The following BCR variants were observed in gnomAD, a reference collection of about 807,000 sequenced individuals.
BCR encodes the protein BCR activator of RhoGEF and GTPase, also known as breakpoint cluster region protein.
BCR carries 58 observed loss-of-function variants against 138.6 expected under a neutral mutation model. That is an observed-to-expected ratio of 0.42 (90% CI 0.34 to 0.52). The LOEUF is 0.52. BCR is among the 20% of genes least tolerant of loss of function. The pLI is 0.06. For synonymous variants in BCR, 786 were observed against 730.1 expected (o/e 1.08, Z -1.23); for missense variants, 1,599 against 1,727.2 (o/e 0.93, Z 1.32).
intron 16 of BCR, chr22:23,306,854 G>GCCGGAGCCGGGCGGC (rs2073958056): frequency 6.6e-6 from 1 of 152,666 alleles, no homozygotes; most frequent in Admixed American, 6.5e-5. Context: ...AGCCGGGCGG[G>GCCGGAGCCGGGCGGC]CCGGAGCCGG....
intron 1 of BCR, among the ~76,000 whole-genome samples, chr22:23,192,166 G>A (rs545068423): frequency 4.6e-5 from 7 of 152,294 alleles, no homozygotes; most frequent in Non-Finnish European, 5.9e-5. Context: ...ATGGGCCCTC[G>A]AAAGTTTCTT....
At chr22:23,279,225 C>G (rs566858829) in intron 8 of BCR, among the ~76,000 whole-genome samples, 1 of 152,366 alleles carries the variant, frequency 6.6e-6, no homozygotes, top group Non-Finnish European at 1.5e-5. Context: ...CTACCCTCCT[C>G]CTGGCATAGT....
chr22:23,280,059 C>T (rs921961527), intron 8 of BCR, among the ~76,000 whole-genome samples: 6 of 152,142 alleles, frequency 3.9e-5, no homozygotes, highest in East Asian at 1.9e-4. Flanking sequence ...TGGATTCCAC[C>T]GCATGACCTC....
chr22:23,264,242 C>A, intron 4 of BCR: 1 of 994,040 alleles, frequency 1.0e-6, no homozygotes, highest in Non-Finnish European at 1.6e-6. Context: ...GCCCGCACAC[C>A]TTCCCGCTGA....
chr22:23,209,562 G>T (rs2072658208), intron 1 of BCR, among the ~76,000 whole-genome samples: 2 of 135,038 alleles, frequency 1.5e-5, no homozygotes, highest in African/African-American at 3.8e-5. Flanking sequence ...TTATTTTTTT[G>T]AGATGGAGTC....
intron 3 of BCR, 79 bp downstream of exon 3, chr22:23,261,133 C>T: frequency 7.0e-7 from 1 of 1,438,760 alleles, no homozygotes; most frequent in Admixed American, 1.9e-5. Flanking sequence ...CCCTTAAGTC[C>T]CAGGTCAGCT....
rs369826569 is a variant in BCR at position 23,285,139 on chromosome 22, G to A, written c.2344G>A (p.Glu782Lys). The change falls in exon 10 of 23, where the codon GAG becomes AAG. Residue 782 changes from glutamate to lysine, a missense_variant. Glu to Lys is a moderately conservative substitution (Grantham distance 56, BLOSUM62 1). Transcript: ENST00000305877. ...AVPNIPLVPD[E>K]ELDALKIKIS... ...GCCCAACATCCCCCTGGTGCCCGATGAGGAGCTGGACGCTTTGAAGATCAA... is the reference window on the plus strand; with the variant it reads ...GCCCAACATCCCCCTGGTGCCCGATAAGGAGCTGGACGCTTTGAAGATCAA... The A allele has an allele frequency of 3.1e-6, 5 of 1,614,056 alleles. No individual in the cohort carries two copies. The highest frequency in any genetic ancestry group is 4.2e-6 in the Non-Finnish European group (5 of 1,179,980).
Position 23,285,478 on chromosome 22 carries a change from T to G in BCR, c.2406+277T>G, listed in dbSNP as rs142150709. Among the ~76,000 whole-genome samples, 3 of 152,302 alleles carry G rather than the reference T, an allele frequency of 2.0e-5. No individual in the cohort carries two copies. The East Asian group carries it at 5.8e-4, about 29-fold the overall frequency. ...AGGGAACTGGTCGTGGTCTCTACAG[T>G]GCGCCTTTCACGGGATACTTCTTAG... is the stretch of plus-strand genomic sequence containing the variant. On this transcript the variant is annotated intron_variant, in intron 10 of 22. Transcript: ENST00000305877.
intron 15 of BCR, among the ~76,000 whole-genome samples, chr22:23,294,642 G>T (rs2073825523): frequency 6.6e-6 from 1 of 152,168 alleles, no homozygotes; most frequent in African/African-American, 2.4e-5. Context: ...CAAGTGATCT[G>T]CCCACCTTGG....
At chr22:23,302,632 G>A (rs928155184) in intron 16 of BCR, 9 of 152,372 alleles carry the variant, frequency 5.9e-5, no homozygotes, top group African/African-American at 2.2e-4. Context: ...CCTCTCTCAG[G>A]TATCCCTGTG....
At chr22:23,249,223 A>T (rs2073192390) in intron 1 of BCR, among the ~76,000 whole-genome samples, 1 of 151,952 alleles carries the variant, frequency 6.6e-6, no homozygotes, top group South Asian at 2.1e-4. Flanking sequence ...AGGTCAGGAG[A>T]TGGAGACCAT....
chr22:23,294,549 C>G (rs2267026), intron 15 of BCR, among the ~76,000 whole-genome samples: 50,922 of 152,042 alleles, frequency 0.33, 9,073 homozygotes, highest in African/African-American at 0.45. Context: ...CACAGGCATG[C>G]ACCACCACGC....
chr22:23,181,458 C>T lies in BCR; in HGVS notation c.498C>T (p.Gly166=). The change falls in exon 1 of 23, where the codon GGC becomes GGT. Residue 166 remains glycine, a synonymous_variant. Coordinates refer to ENST00000305877, the MANE Select transcript of BCR (RefSeq NM_004327.4). ...TCGAGCGGATCCGCAAGGGCCATGG[C>T]CAGCCCGGGGCGGACGCCGAGAAGC... The part of the protein sequence containing the change: ...SNFERIRKGH[G]QPGADAEKPF... 1 of 1,607,062 alleles carries T rather than the reference C, an allele frequency of 6.2e-7. No homozygotes were observed. Among genetic ancestry groups the T allele is most frequent in the Non-Finnish European group, 8.5e-7 (1 of 1,175,950 alleles).
rs139162756 is a variant in BCR, at chr22:23,265,984, G to A, written c.1753-2424G>A. 1.5e-3 allele frequency among the ~76,000 whole-genome samples: 233 copies of A among 152,176 alleles called. 1 individual carries two copies. The highest frequency in any genetic ancestry group is 5.3e-3 in the African/African-American group (222 of 41,524). On this transcript the variant is annotated intron_variant, in intron 4 of 22. Coordinates refer to ENST00000305877, the MANE Select transcript of BCR (RefSeq NM_004327.4). ...GTTTTCATTCTCTGATTCAGGACCC[G>A]GTTTAAGATCATGTTATGTACTTGG...
intron 1 of BCR, chr22:23,199,332 C>T (rs2072521486): frequency 1.9e-6 from 1 of 518,182 alleles, no homozygotes; most frequent in Admixed American, 1.9e-5. Flanking sequence ...CCTGTGTCAT[C>T]TCCTGGCTTC....
At chr22:23,183,138 C>G (rs551006555) in intron 1 of BCR, among the ~76,000 whole-genome samples, 4 of 152,214 alleles carry the variant, frequency 2.6e-5, no homozygotes, top group Admixed American at 2.6e-4. Context: ...GTACGCCTAA[C>G]TTCTGTGCTA....
chr22:23,205,521 C>G (rs2072602165), intron 1 of BCR, among the ~76,000 whole-genome samples: 1 of 152,210 alleles, frequency 6.6e-6, no homozygotes, highest in African/African-American at 2.4e-5. Flanking sequence ...CGTCCAGGAT[C>G]CGAGCCTTGC....
intron 1 of BCR, among the ~76,000 whole-genome samples, chr22:23,240,380 G>A (rs1364064011): frequency 2.6e-5 from 4 of 151,164 alleles, no homozygotes; most frequent in Admixed American, 1.3e-4. Flanking sequence ...GGCCGGGCGC[G>A]GTGGCTCACG....
chr22:23,181,901 G>A lies in BCR; in HGVS notation c.941G>A (p.Arg314Lys). The change falls in exon 1 of 23, where the codon AGG becomes AAG. Residue 314 changes from arginine (R) to lysine (K), a missense_variant. Physicochemically the swap from Arg to Lys is conservative, Grantham distance 26. Around this residue, in one of 4 missense-constraint regions of BCR, gnomAD observed 806 missense variants for 635.0 expected, o/e 1.27. Coordinates refer to ENST00000305877, the MANE Select transcript of BCR (RefSeq NM_004327.4). ...EQEKRLTWPRRSYSPRSFEDC... is the reference protein window; with the variant it reads ...EQEKRLTWPRKSYSPRSFEDC... ...GAGAAGCGCCTTACCTGGCCCCGCA[G>A]GTCCTACTCCCCCCGGAGTTTTGAG... 1.2e-6 allele frequency: 2 copies of A among 1,613,508 alleles called. No homozygotes were observed. Among genetic ancestry groups the A allele is most frequent in the Non-Finnish European group, 1.7e-6 (2 of 1,179,958 alleles).
Sources: gnomAD v4.1 joint callset for allele counts (sites outside exome capture counted in the v4.1 genomes callset) on GRCh38, gnomAD v4.1.1 for gene constraint, gnomAD v4.1.1 regional missense constraint, MANE v1.5 for transcripts, NCBI Gene and HGNC (gene_info 2026-07-23, HGNC 2026-07-21) for gene names.